ADGRB3: variants seen among roughly 807,000 people sequenced by gnomAD.
ADGRB3 encodes adhesion G protein-coupled receptor B3.
ADGRB3 carries 37 observed loss-of-function variants against 193.4 expected under a neutral mutation model. The observed-to-expected ratio is 0.19, with a 90% CI of 0.15 to 0.25. The LOEUF (loss-of-function observed/expected upper bound fraction) is 0.25. Ranked by LOEUF, ADGRB3 falls within the 10% of genes least tolerant of loss-of-function variation. The pLI is 1.00. For synonymous variants in ADGRB3, 690 were observed against 644.2 expected (o/e 1.07, Z -1.08); for missense variants, 1,637 against 1,852.9 (o/e 0.88, Z 2.14).
In ADGRB3 at chr6:68,639,334, T is replaced by C; in HGVS notation, c.659T>C (p.Leu220Ser). 6.2e-7 allele frequency: 1 copy of C among 1,614,076 alleles called. No individual in the cohort carries two copies. The highest frequency in any genetic ancestry group is 2.2e-5 in the East Asian group (1 of 44,854). Residue 220 changes from leucine (L) to serine (S), a missense_variant, in exon 3 of 32, where the codon TTA becomes TCA. Physicochemically the swap from Leu to Ser is moderately radical, Grantham distance 145. Coordinates refer to ENST00000370598, the MANE Select transcript of ADGRB3 (RefSeq NM_001704.3). ...CTGATTTTGTTAAATAACGTGGTGT[T>C]ACCCCTGAATGAGCAGACAGAGGGC... ...QSLILLNNVV[L>S]PLNEQTEGCL... is the part of the protein sequence containing the mutation.
chr6:68,871,950 A>C (rs770696380), intron 3 of ADGRB3, among the ~76,000 whole-genome samples: 11 of 152,126 alleles, frequency 7.2e-5, no homozygotes, highest in Non-Finnish European at 1.5e-4. Flanking sequence ...ATTTCTTCAT[A>C]AGGTCATCTT....
chr6:68,915,513 G>A (rs1031607094), intron 3 of ADGRB3, among the ~76,000 whole-genome samples: 2 of 152,178 alleles, frequency 1.3e-5, no homozygotes, highest in Non-Finnish European at 2.9e-5. Context: ...TTAAGGGTAC[G>A]CTGGATGATC....
intron 3 of ADGRB3, among the ~76,000 whole-genome samples, chr6:68,766,385 A>T (rs891234787): frequency 6.6e-6 from 1 of 151,970 alleles, no homozygotes; most frequent in African/African-American, 2.4e-5. Flanking sequence ...CCATACGTAT[A>T]TTGACCACTG....
chr6:69,348,371 G>T (rs1242507437), intron 26 of ADGRB3, among the ~76,000 whole-genome samples: 1 of 151,912 alleles, frequency 6.6e-6, no homozygotes, highest in Non-Finnish European at 1.5e-5. Flanking sequence ...AGTAGGCTGG[G>T]CACAGTGGCT....
At chr6:68,785,903 G>T (rs1238715989) in intron 3 of ADGRB3, among the ~76,000 whole-genome samples, 1 of 152,084 alleles carries the variant, frequency 6.6e-6, no homozygotes, top group Admixed American at 6.6e-5. Context: ...TTCTCTGATG[G>T]CCAGTGATGA....
chr6:68,777,448 A>G (rs898187449), intron 3 of ADGRB3, among the ~76,000 whole-genome samples: 16 of 152,132 alleles, frequency 1.1e-4, no homozygotes, highest in African/African-American at 3.1e-4. Context: ...GTTATGCAAG[A>G]TAAATTTGTA....
chr6:69,144,213 C>A (rs1774418772), intron 17 of ADGRB3, among the ~76,000 whole-genome samples: 1 of 152,130 alleles, frequency 6.6e-6, no homozygotes, highest in Non-Finnish European at 1.5e-5. Flanking sequence ...TTGCTGTTGG[C>A]ATATAGAAGT....
intron 17 of ADGRB3, among the ~76,000 whole-genome samples, chr6:69,088,763 A>G (rs1248921780): frequency 6.6e-6 from 1 of 152,240 alleles, no homozygotes; most frequent in African/African-American, 2.4e-5. Flanking sequence ...CAGAAAATAC[A>G]AAGTGATTCC....
intron 11 of ADGRB3, among the ~76,000 whole-genome samples, chr6:69,004,598 G>A (rs1224502233): frequency 7.3e-6 from 1 of 136,408 alleles, no homozygotes; most frequent in Non-Finnish European, 1.5e-5. Context: ...GGTGTGTGAT[G>A]TTCCCCACCC....
chr6:68,887,663 ATC>A (rs1765948912), intron 3 of ADGRB3, among the ~76,000 whole-genome samples: 1 of 152,128 alleles, frequency 6.6e-6, no homozygotes, highest in Non-Finnish European at 1.5e-5. Context: ...TTTGTTTAAT[ATC>A]TGTTTTACTT....
intron 16 of ADGRB3, among the ~76,000 whole-genome samples, chr6:69,071,374 C>T (rs908057134): frequency 1.3e-5 from 2 of 151,944 alleles, no homozygotes; most frequent in Non-Finnish European, 2.9e-5. Flanking sequence ...GAGAACTATC[C>T]ATTGGAATGC....
At chr6:69,076,436 A>C (rs1772234788) in intron 17 of ADGRB3, among the ~76,000 whole-genome samples, 1 of 152,106 alleles carries the variant, frequency 6.6e-6, no homozygotes, top group African/African-American at 2.4e-5. Flanking sequence ...CATGACCTTG[A>C]ATCTATTATC....
At chr6:69,128,533 A>G (rs1466344051) in intron 17 of ADGRB3, among the ~76,000 whole-genome samples, 2 of 152,154 alleles carry the variant, frequency 1.3e-5, no homozygotes, top group Non-Finnish European at 2.9e-5. Flanking sequence ...CTGCCATCTG[A>G]TAAATCATAC....
intron 17 of ADGRB3, among the ~76,000 whole-genome samples, chr6:69,129,621 G>A (rs540064160): frequency 6.5e-4 from 99 of 152,072 alleles, no homozygotes; most frequent in African/African-American, 2.0e-3. Context: ...TCTTAAAATC[G>A]CTACACATAT....
intron 17 of ADGRB3, among the ~76,000 whole-genome samples, chr6:69,214,353 A>T (rs890047611): frequency 6.6e-5 from 10 of 152,162 alleles, no homozygotes; most frequent in African/African-American, 2.4e-4. Context: ...TGAGTATTGT[A>T]GTCAGTGCTG....
intron 17 of ADGRB3, among the ~76,000 whole-genome samples, chr6:69,181,931 C>A (rs1235734945): frequency 2.0e-5 from 3 of 151,916 alleles, no homozygotes; most frequent in African/African-American, 7.3e-5. Flanking sequence ...CCAATAACAC[C>A]TAAAGAAGAT....
intron 20 of ADGRB3, among the ~76,000 whole-genome samples, chr6:69,312,670 C>T (rs1392577192): frequency 1.3e-5 from 2 of 151,628 alleles, no homozygotes; most frequent in African/African-American, 4.8e-5. Flanking sequence ...CCCACCATGG[C>T]AGCATTACTT....
chr6:69,121,530 G>T lies in ADGRB3; in HGVS notation c.2480+45492G>T, dbSNP rs537218587. ...CGATGGTCGCTGTCTCTTCGGAGCT[G>T]TTGGGTACACTTCCCAGACGGGGCA... On this transcript the variant is annotated intron_variant, in intron 17 of 31. Transcript: ENST00000370598. Among the ~76,000 whole-genome samples the T allele has an allele frequency of 3.3e-5, 5 of 152,194 alleles. No homozygotes were observed. The South Asian group carries it at 1.0e-3, about 32-fold the overall frequency.
chr6:68,706,043 A>G (rs1222499283), intron 3 of ADGRB3, among the ~76,000 whole-genome samples: 1 of 152,170 alleles, frequency 6.6e-6, no homozygotes, highest in African/African-American at 2.4e-5. Context: ...CATTCTCTCT[A>G]AACTGACAGG....
Sources: allele counts gnomAD v4.1 joint callset (sites outside exome capture counted in the v4.1 genomes callset), GRCh38; gene constraint gnomAD v4.1.1; transcripts MANE v1.5; gene names NCBI Gene and HGNC (gene_info 2026-07-23, HGNC 2026-07-21).